The following OPCML variants were observed in gnomAD, a reference collection of about 807,000 sequenced individuals.
The protein encoded by OPCML is opioid-binding protein/cell adhesion molecule.
Under a neutral mutation model 37.8 loss-of-function variants are expected in OPCML, and 13 were observed. The observed-to-expected ratio is 0.34, with a 90% confidence interval of 0.22 to 0.55. OPCML has a LOEUF of 0.55. Among genes scored for constraint, OPCML ranks in the 20% least tolerant of loss-of-function variants. The pLI, the probability that OPCML is intolerant of heterozygous loss-of-function variation, is 0.91. For missense variants in OPCML, 341 were observed against 435.6 expected, an observed-to-expected ratio of 0.78 and a Z score of 1.93; for synonymous variants, 176 against 168.8, an observed-to-expected ratio of 1.04 and a Z score of -0.33.
At position 132,898,119 on chromosome 11, in the gene OPCML, G is replaced by T. The variant is rs369804854; in HGVS notation, c.146+44807C>A. ...CATGGCTTCTACTCACCAAGGCTAA[G>T]CTAGCTACAACCACCACTGAGTGCT... On this transcript the variant is annotated intron_variant, in intron 2 of 7. Transcript: ENST00000524381. Among the ~76,000 whole-genome samples the T allele has an allele frequency of 1.5e-4, 23 of 152,298 alleles. No individual in the cohort carries two copies. In the East Asian group the frequency reaches 3.1e-3, roughly 20 times the overall value.
chr11:132,494,102 G>T (rs149737601), intron 4 of OPCML, among the ~76,000 whole-genome samples: 274 of 152,284 alleles, frequency 1.8e-3, no homozygotes, highest in African/African-American at 6.0e-3. Flanking sequence ...TCTTGTTATG[G>T]TCACCTTCGA....
chr11:133,171,814 T>C (rs1440174616), intron 1 of OPCML, among the ~76,000 whole-genome samples: 1 of 152,164 alleles, frequency 6.6e-6, no homozygotes, highest in East Asian at 1.9e-4. Flanking sequence ...ATCATTGCTC[T>C]TTTCCCAGGG....
intron 1 of OPCML, among the ~76,000 whole-genome samples, chr11:133,183,825 C>T (rs944737868): frequency 1.3e-5 from 2 of 152,192 alleles, no homozygotes; most frequent in African/African-American, 4.8e-5. Context: ...GAAACTCATA[C>T]TCTAAAGAGA....
At chr11:132,686,107 C>A (rs1477566515) in intron 2 of OPCML, among the ~76,000 whole-genome samples, 1 of 152,182 alleles carries the variant, frequency 6.6e-6, no homozygotes, top group Non-Finnish European at 1.5e-5. Flanking sequence ...TGATCTCTCT[C>A]CAAACCTTCT....
chr11:133,271,238 A>G (rs1332743611), intron 1 of OPCML, among the ~76,000 whole-genome samples: 4 of 152,252 alleles, frequency 2.6e-5, no homozygotes, highest in African/African-American at 9.6e-5. Flanking sequence ...TACATAAAGT[A>G]TCTCAATATC....
chr11:133,062,301 T>C (rs1313481289), intron 1 of OPCML, among the ~76,000 whole-genome samples: 2 of 152,176 alleles, frequency 1.3e-5, no homozygotes, highest in African/African-American at 4.8e-5. Context: ...AGGAAGTCCA[T>C]GAATCCCCGC....
intron 1 of OPCML, among the ~76,000 whole-genome samples, chr11:133,295,678 G>T (rs1020496513): frequency 9.2e-5 from 14 of 152,166 alleles, no homozygotes; most frequent in African/African-American, 3.4e-4. Flanking sequence ...CTGCTGGTTG[G>T]CTTGGGTTAT....
At chr11:132,481,305 A>G (rs897049786) in intron 4 of OPCML, among the ~76,000 whole-genome samples, 2 of 152,128 alleles carry the variant, frequency 1.3e-5, no homozygotes, top group Non-Finnish European at 2.9e-5. Context: ...ACCAACAAAG[A>G]TCAAAAGAGA....
At chr11:132,822,404 A>G (rs1210303298) in intron 2 of OPCML, among the ~76,000 whole-genome samples, 3 of 152,216 alleles carry the variant, frequency 2.0e-5, no homozygotes, top group Admixed American at 2.0e-4. Context: ...ACTCGGTGAC[A>G]TTCCCCTGAG....
At chr11:133,222,249 C>T (rs971920140) in intron 1 of OPCML, among the ~76,000 whole-genome samples, 1 of 152,188 alleles carries the variant, frequency 6.6e-6, no homozygotes, top group Non-Finnish European at 1.5e-5. Context: ...CCTAAAGCTG[C>T]AGCCATACAG....
At chr11:133,053,908 T>A (rs549573343) in intron 1 of OPCML, among the ~76,000 whole-genome samples, 1 of 152,326 alleles carries the variant, frequency 6.6e-6, no homozygotes, top group East Asian at 1.9e-4. Flanking sequence ...CCCTTAAATA[T>A]GCATAATGAG....
intron 3 of OPCML, among the ~76,000 whole-genome samples, chr11:132,609,438 T>C (rs1195196444): frequency 6.6e-6 from 1 of 152,056 alleles, no homozygotes; most frequent in African/African-American, 2.4e-5. Context: ...GGTTAACATT[T>C]CCAGCCACAG....
chr11:132,751,087 G>A (rs556695302), intron 2 of OPCML, among the ~76,000 whole-genome samples: 1 of 152,290 alleles, frequency 6.6e-6, no homozygotes, highest in Admixed American at 6.5e-5. Flanking sequence ...GAACAGGTTT[G>A]TTCAAGATCA....
chr11:132,774,141 T>C (rs1055985696), intron 2 of OPCML, among the ~76,000 whole-genome samples: 3 of 152,192 alleles, frequency 2.0e-5, no homozygotes, highest in African/African-American at 4.8e-5. Context: ...CTGTACTCTA[T>C]GTGTTAAGCT....
chr11:132,550,009 A>G (rs778661268), intron 3 of OPCML, among the ~76,000 whole-genome samples: 6 of 152,098 alleles, frequency 3.9e-5, no homozygotes, highest in Non-Finnish European at 8.8e-5. Context: ...CCCAGACAAC[A>G]TAGCTGCTTC....
chr11:132,863,633 A>G (rs1942401194), intron 2 of OPCML, among the ~76,000 whole-genome samples: 1 of 152,130 alleles, frequency 6.6e-6, no homozygotes, highest in Non-Finnish European at 1.5e-5. Flanking sequence ...CCAACCTAAA[A>G]CTATGACTCT....
rs183918847 is a variant in OPCML, at chr11:133,158,449, A to C, written c.62-215439T>G. ...AGGCATGGTGGCTCACGCCTGTAAT[A>C]CCAGCACTTTGGGAGGCTGAGGCGG... On this transcript the variant is annotated intron_variant, in intron 1 of 7. Transcript: ENST00000524381. Among the ~76,000 whole-genome samples the C allele has an allele frequency of 3.6e-3, 547 of 152,104 alleles. 1 individual carries two copies. The highest frequency in any genetic ancestry group is 5.5e-3 in the Non-Finnish European group (377 of 67,984).
intron 1 of OPCML, among the ~76,000 whole-genome samples, chr11:133,124,357 A>G (rs1266982225): frequency 2.0e-5 from 3 of 152,082 alleles, no homozygotes; most frequent in African/African-American, 7.2e-5. Context: ...CAACCACAGC[A>G]GCCTGGTATC....
chr11:132,437,473 G>A, intron 4 of OPCML, 114 bp from the exon 5 acceptor site: 6 of 1,510,734 alleles, frequency 4.0e-6, no homozygotes, highest in Non-Finnish European at 5.3e-6. Flanking sequence ...TCAGAATGGA[G>A]TAGGACATCA....
Sources: gnomAD v4.1 joint callset for allele counts (sites outside exome capture counted in the v4.1 genomes callset) on GRCh38, gnomAD v4.1.1 for gene constraint, MANE v1.5 for transcripts, NCBI Gene and HGNC (gene_info 2026-07-23, HGNC 2026-07-21) for gene names.